VIL1: variants seen among roughly 807,000 people sequenced by gnomAD.
VIL1 encodes the protein villin-1.
A neutral mutation model predicts 104.0 loss-of-function variants in VIL1; 86 were observed. That is an observed-to-expected ratio of 0.83 (90% CI 0.69 to 0.99). The LOEUF (loss-of-function observed/expected upper bound fraction) is 0.99, where lower values mean the gene tolerates loss of function less well. VIL1 is among the 50% of genes least tolerant of loss of function. The pLI is 0.00. For missense variants in VIL1, 944 were observed against 1,054.1 expected, an observed-to-expected ratio of 0.90 and a Z score of 1.45; for synonymous variants, 394 against 412.6, an observed-to-expected ratio of 0.95 and a Z score of 0.55.
chr2:218,438,785 G>A (rs546507165), intron 18 of VIL1, 59 bp downstream of exon 18: 1 of 1,486,056 alleles, frequency 6.7e-7, no homozygotes, highest in African/African-American at 1.4e-5. Context: ...CAGACCTGTG[G>A]GAGCCAAGAA....
chr2:218,449,227 A>C lies in VIL1; in HGVS notation c.2375A>C (p.His792Pro). ...CTGGTCCCTCTCTTCTTCTAGGAACACCTGTCCATTGAAGATTTCACTCAG... is the reference window on the plus strand; with the variant it reads ...CTGGTCCCTCTCTTCTTCTAGGAACCCCTGTCCATTGAAGATTTCACTCAG... ...EGVDPSRKEE[H>P]LSIEDFTQAF... Residue 792 changes from histidine to proline, a missense_variant, in exon 20 of 20, where the codon CAC becomes CCC. Coordinates refer to ENST00000248444, the MANE Select transcript of VIL1 (RefSeq NM_007127.3). The C allele has an allele frequency of 6.2e-7, 1 of 1,613,194 alleles. No homozygotes were observed. The highest frequency in any genetic ancestry group is 8.5e-7 in the Non-Finnish European group (1 of 1,179,246).
intron 19 of VIL1, among the ~76,000 whole-genome samples, chr2:218,445,455 C>A (rs1689349212): frequency 6.6e-6 from 1 of 152,116 alleles, no homozygotes; most frequent in Non-Finnish European, 1.5e-5. Flanking sequence ...AAACACTTCA[C>A]TACCCTGCCT....
chr2:218,432,486 T>TG (rs1167764994), intron 12 of VIL1: 1 of 687,754 alleles, frequency 1.5e-6, no homozygotes, highest in Non-Finnish European at 2.6e-6. Context: ...GACTGAGTGG[T>TG]GTGGTGCCTG....
At position 218,449,192 on chromosome 2, in the gene VIL1, C is replaced by A. The variant is rs369299097; in HGVS notation, c.2371-31C>A. On this transcript the variant is annotated intron_variant, in intron 19 of 19. Transcript: ENST00000248444. ...TGAGGGAGGAAGGAAGGATATGTGA[C>A]CTTTGCCCTCTGGTCCCTCTCTTCT... 2.8e-5 allele frequency: 43 copies of A among 1,537,696 alleles called. No homozygotes were observed. The African/African-American group carries it at 5.2e-4, about 19-fold the overall frequency.
rs571083147 is a variant in VIL1, at chr2:218,441,843, C to T, written c.2370+981C>T. ...TCTCTACTAAAATTACAAAAATAGC[C>T]GGGCATGGTGGCTTGTGCCTATAAT... On this transcript the variant is annotated intron_variant, in intron 19 of 19. Transcript: ENST00000248444. 3.2e-4 allele frequency among the ~76,000 whole-genome samples: 49 copies of T among 152,152 alleles called. No individual in the cohort carries two copies. The South Asian group carries it at 9.3e-3, about 29-fold the overall frequency.
intron 13 of VIL1, 83 bp from the exon 14 acceptor site, chr2:218,434,443 A>T: frequency 7.0e-7 from 1 of 1,423,024 alleles, no homozygotes; most frequent in Non-Finnish European, 9.6e-7. Flanking sequence ...TCCCCGCCCT[A>T]CCCTATCCCC....
At chr2:218,429,073 G>C (rs1007231058) in intron 6 of VIL1, among the ~76,000 whole-genome samples, 2 of 152,218 alleles carry the variant, frequency 1.3e-5, no homozygotes, top group African/African-American at 4.8e-5. Flanking sequence ...GCACCTCCCT[G>C]ACAGTGGGGA....
chr2:218,432,551 C>G, intron 12 of VIL1: 1 of 724,114 alleles, frequency 1.4e-6, no homozygotes. Context: ...GGGGTTAAGG[C>G]TGGGGTTGCA....
In VIL1 at chr2:218,434,519, C is replaced by T. The variant is rs1457556077; in HGVS notation, c.1501-7C>T. On this transcript the variant is annotated splice_polypyrimidine_tract_variant and splice_region_variant and intron_variant, in intron 13 of 19. Transcript: ENST00000248444. ...TCTCTCTCCCTGTCTTCTGCCCTCA[C>T]CTGCAGGGAGGCACCTCCCGAACTA... 7 of 1,607,574 alleles carry T rather than the reference C, an allele frequency of 4.4e-6. No individual in the cohort carries two copies. Among genetic ancestry groups the T allele is most frequent in the Non-Finnish European group, 5.9e-6 (7 of 1,177,144 alleles).
At chr2:218,430,995 G>T (rs112084215) in intron 10 of VIL1, 117 bp downstream of exon 10, 1 of 1,355,016 alleles carries the variant, frequency 7.4e-7, no homozygotes, top group South Asian at 1.4e-5. Context: ...AGACTTTTAC[G>T]CTGGCTCTGG....
chr2:218,437,079 A>C (rs980736300), intron 16 of VIL1, 45 bp from the exon 17 acceptor site: 2 of 1,594,542 alleles, frequency 1.3e-6, no homozygotes, highest in Non-Finnish European at 1.7e-6. Flanking sequence ...CCTGTGGGCC[A>C]GGGAGGACAG....
At chr2:218,440,586 G>A (rs1398408247) in intron 18 of VIL1, 136 bp from the exon 19 acceptor site, 2 of 996,964 alleles carry the variant, frequency 2.0e-6, no homozygotes, top group African/African-American at 1.6e-5. Flanking sequence ...GTTCTTATGA[G>A]TGTGTGTGTG....
chr2:218,420,578 G>GTT (rs71064448), intron 1 of VIL1, among the ~76,000 whole-genome samples: 3 of 131,290 alleles, frequency 2.3e-5, no homozygotes, highest in South Asian at 2.5e-4. Flanking sequence ...ATGAGTATTT[G>GTT]TTTTTTTTTT....
At position 218,451,966 on chromosome 2, in the gene VIL1, C is replaced by T. The variant is rs1202942661; in HGVS notation, c.*2630C>T. ...GACAAAACTCATGAGTGTGCACACA[C>T]ATGTGAATATATCCCTACGAAACAG... On this transcript the variant is annotated 3_prime_UTR_variant, in exon 20 of 20. Transcript: ENST00000248444. The T allele has an allele frequency of 6.6e-6, 1 of 152,604 alleles. No homozygotes were observed. The highest frequency in any genetic ancestry group is 2.4e-5 in the African/African-American group (1 of 41,444). The allele number at this position is 152,604 out of a possible 1,614,324, so 9.5% of individuals were successfully genotyped here.
chr2:218,437,911 GGAA>G (rs1357501430), intron 17 of VIL1, among the ~76,000 whole-genome samples: 2 of 152,194 alleles, frequency 1.3e-5, no homozygotes, highest in African/African-American at 2.4e-5. Flanking sequence ...GTTTTCGGTA[GGAA>G]GAAGGCCAAG....
At chr2:218,431,169 A>C (rs1574814934) in intron 10 of VIL1, 1 of 511,990 alleles carries the variant, frequency 2.0e-6, no homozygotes, top group Non-Finnish European at 3.4e-6. Flanking sequence ...ACATGGTGAA[A>C]CCCCGTCTCT....
rs1393030029 is a variant in VIL1 at position 218,434,522 on chromosome 2, G to T, written c.1501-4G>T. ...CTCTCCCTGTCTTCTGCCCTCACCT[G>T]CAGGGAGGCACCTCCCGAACTAACA... is the stretch of plus-strand genomic sequence containing the variant. On this transcript the variant is annotated splice_polypyrimidine_tract_variant and splice_region_variant and intron_variant, in intron 13 of 19. Coordinates refer to ENST00000248444, the MANE Select transcript of VIL1 (RefSeq NM_007127.3). The T allele has an allele frequency of 1.9e-6, 3 of 1,608,452 alleles. No individual in the cohort carries two copies. Among genetic ancestry groups the T allele is most frequent in the Non-Finnish European group, 2.5e-6 (3 of 1,177,522 alleles).
intron 4 of VIL1, among the ~76,000 whole-genome samples, chr2:218,426,971 T>A (rs1482067409): frequency 6.6e-6 from 1 of 152,002 alleles, no homozygotes; most frequent in Non-Finnish European, 1.5e-5. Flanking sequence ...GCTGGTCTCA[T>A]ACTCCTGGGC....
At chr2:218,431,539 C>T (rs1046707378) in intron 10 of VIL1, among the ~76,000 whole-genome samples, 2 of 152,062 alleles carry the variant, frequency 1.3e-5, no homozygotes, top group Non-Finnish European at 1.5e-5. Context: ...TTGCACAGCT[C>T]CCTATTGAGC....
Sources: allele counts gnomAD v4.1 joint callset (sites outside exome capture counted in the v4.1 genomes callset), GRCh38; gene constraint gnomAD v4.1.1; transcripts MANE v1.5; gene names NCBI Gene and HGNC (gene_info 2026-07-23, HGNC 2026-07-21).